VPS37A: variants seen among roughly 807,000 people sequenced by gnomAD.
VPS37A encodes vacuolar protein sorting-associated protein 37A.
A neutral mutation model predicts 49.8 loss-of-function variants in VPS37A; 30 were observed. The ratio of observed to expected loss-of-function variants is 0.60; its 90% confidence interval spans 0.45 to 0.82. VPS37A has a LOEUF of 0.82. Among genes scored for constraint, VPS37A ranks in the 40% least tolerant of loss-of-function variants. The probability of loss-of-function intolerance (pLI) is 0.00; values close to 1 mark genes in which losing one functional copy is unlikely to be tolerated. For missense variants in VPS37A, 593 were observed against 464.4 expected, an observed-to-expected ratio of 1.28 and a Z score of -2.55; for synonymous variants, 195 against 160.6, an observed-to-expected ratio of 1.21 and a Z score of -1.62.
At chr8:17,331,138 G>A in the VPS37A span, 2 of 1,608,546 alleles carry the variant, frequency 1.2e-6, no homozygotes, top group Non-Finnish European at 8.5e-7. Context: ...TGTGCATAAG[G>A]AAATGGTTTA....
At chr8:17,329,274 G>A in the VPS37A span, among the ~76,000 whole-genome samples, 50 of 152,212 alleles carry the variant, frequency 3.3e-4, 2 homozygotes, top group East Asian at 6.2e-3. Context: ...CTCAGCCTCC[G>A]CAATGGTTTA....
At chr8:17,326,565 C>G in the VPS37A span, 1 of 152,174 alleles carries the variant, frequency 6.6e-6, no homozygotes, top group Non-Finnish European at 1.5e-5. Context: ...TAACGTGATA[C>G]TGGAAAGGAT....
At chr8:17,306,843 A>G (rs1817486870), downstream of VPS37A, among the ~76,000 whole-genome samples, 1 of 152,234 alleles carries the variant, frequency 6.6e-6, no homozygotes, top group Non-Finnish European at 1.5e-5. Context: ...ATATGTAGAA[A>G]GCTGAAACTG....
intron 9 of VPS37A, among the ~76,000 whole-genome samples, chr8:17,281,135 T>C (rs1815018298): frequency 6.6e-6 from 1 of 152,114 alleles, no homozygotes; most frequent in South Asian, 2.1e-4. Context: ...CGGTCATTTG[T>C]CAGAATAAAG....
the VPS37A span, among the ~76,000 whole-genome samples, chr8:17,320,863 T>TAA: frequency 6.6e-6 from 1 of 152,240 alleles, no homozygotes; most frequent in South Asian, 2.1e-4. Context: ...CGCCTGCTGT[T>TAA]TGGGCTTTCT....
At chr8:17,266,965 G>T (rs920647113) in intron 2 of VPS37A, among the ~76,000 whole-genome samples, 4 of 151,916 alleles carry the variant, frequency 2.6e-5, no homozygotes, top group Non-Finnish European at 5.9e-5. Flanking sequence ...TAGAGACGAG[G>T]TTTCACCATG....
intron 1 of VPS37A, among the ~76,000 whole-genome samples, chr8:17,253,697 T>G (rs1812180871): frequency 6.6e-6 from 1 of 152,172 alleles, no homozygotes; most frequent in Non-Finnish European, 1.5e-5. Flanking sequence ...TGCCGCTAGG[T>G]TAGGTGCTTT....
chr8:17,254,236 C>A (rs1298790567), intron 1 of VPS37A, among the ~76,000 whole-genome samples: 1 of 152,000 alleles, frequency 6.6e-6, no homozygotes, highest in Non-Finnish European at 1.5e-5. Context: ...AATGACGAGT[C>A]CTTAGGTAGG....
chr8:17,259,524 C>T (rs1812784679), intron 1 of VPS37A, among the ~76,000 whole-genome samples: 1 of 152,174 alleles, frequency 6.6e-6, no homozygotes, highest in Non-Finnish European at 1.5e-5. Flanking sequence ...GTTCCATGTG[C>T]TGATGAAAAG....
intron 9 of VPS37A, among the ~76,000 whole-genome samples, chr8:17,281,594 G>A (rs1017365037): frequency 1.3e-5 from 2 of 151,998 alleles, no homozygotes; most frequent in South Asian, 4.1e-4. Context: ...AGAGAGTAAT[G>A]CCTCATGATC....
chr8:17,319,007 T>C, the VPS37A span, among the ~76,000 whole-genome samples: 142 of 152,378 alleles, frequency 9.3e-4, no homozygotes, highest in African/African-American at 3.2e-3. Context: ...CAGCAGGGAT[T>C]TCACATTAGC....
chr8:17,317,004 A>T, the VPS37A span, among the ~76,000 whole-genome samples: 1 of 152,152 alleles, frequency 6.6e-6, no homozygotes, highest in Non-Finnish European at 1.5e-5. Flanking sequence ...CCCAACTAAT[A>T]CTTGGTAATG....
At chr8:17,275,999 C>A (rs972260704) in intron 5 of VPS37A, among the ~76,000 whole-genome samples, 5 of 152,154 alleles carry the variant, frequency 3.3e-5, no homozygotes, top group African/African-American at 1.2e-4. Flanking sequence ...CTCATCTACC[C>A]TACCGTCTCA....
the VPS37A span, among the ~76,000 whole-genome samples, chr8:17,317,864 G>C: frequency 6.6e-6 from 1 of 151,704 alleles, no homozygotes; most frequent in Admixed American, 6.6e-5. Context: ...TTATATTTTT[G>C]TTTCCATGAC....
the VPS37A span, among the ~76,000 whole-genome samples, chr8:17,326,783 T>G: frequency 1.3e-5 from 2 of 152,208 alleles, no homozygotes; most frequent in East Asian, 1.9e-4. Context: ...AGCTGCCACT[T>G]TGACTGCAGC....
chr8:17,284,403 T>C, intron 9 of VPS37A, 70 bp from the exon 10 acceptor site: 1 of 1,497,940 alleles, frequency 6.7e-7, no homozygotes, highest in Non-Finnish European at 8.8e-7. Context: ...ACCACTACCT[T>C]ACTTCCTTTC....
chr8:17,253,308 C>G (rs1473257143), intron 1 of VPS37A, among the ~76,000 whole-genome samples: 1 of 152,230 alleles, frequency 6.6e-6, no homozygotes. Flanking sequence ...ACAGTTCTCT[C>G]TGCCTCCAGC....
chr8:17,259,683 A>G lies in VPS37A; in HGVS notation c.126-6224A>G, dbSNP rs185860854. Among the ~76,000 whole-genome samples, 5 of 152,182 alleles carry G rather than the reference A, an allele frequency of 3.3e-5. No homozygotes were observed. In the East Asian group the frequency reaches 9.6e-4, roughly 29 times the overall value. ...TGATAGTAGAGTGAAAGTCCCCTAT[A>G]GTTAACGTATTGCAATCTGTCTTTC... On this transcript the variant is annotated intron_variant, in intron 1 of 11. Transcript: ENST00000324849.
At chr8:17,331,656 T>C in the VPS37A span, among the ~76,000 whole-genome samples, 1 of 152,206 alleles carries the variant, frequency 6.6e-6, no homozygotes, top group African/African-American at 2.4e-5. Flanking sequence ...CAGAAGAATA[T>C]CAGCAGAAAC....
Sources: gnomAD v4.1 joint callset for allele counts (sites outside exome capture counted in the v4.1 genomes callset) on GRCh38, gnomAD v4.1.1 for gene constraint, MANE v1.5 for transcripts, NCBI Gene and HGNC (gene_info 2026-07-23, HGNC 2026-07-21) for gene names.